Variants in NLGN1 observed in about 807,000 individuals in gnomAD.
The protein encoded by NLGN1 is neuroligin 1, also known as neuroligin-1.
NLGN1 carries 12 observed loss-of-function variants against 65.5 expected under a neutral mutation model. That is an observed-to-expected ratio of 0.18 (90% confidence interval 0.12 to 0.30). The LOEUF (loss-of-function observed/expected upper bound fraction) is 0.30, where lower values mean the gene tolerates loss of function less well. NLGN1 is among the 10% of genes least tolerant of loss of function. NLGN1 has a pLI of 1.00. For synonymous variants in NLGN1, 350 were observed against 359.5 expected, an observed-to-expected ratio of 0.97 and a Z score of 0.30; for missense variants, 750 against 1,007.1, an observed-to-expected ratio of 0.74 and a Z score of 3.46.
chr3:174,052,237 G>A (rs1735056446), intron 4 of NLGN1, among the ~76,000 whole-genome samples: 1 of 151,952 alleles, frequency 6.6e-6, no homozygotes, highest in African/African-American at 2.4e-5. Flanking sequence ...TGTTGTGTAG[G>A]GGAAAACTCA....
chr3:173,684,106 ATTTT>A (rs1444474561), intron 3 of NLGN1, among the ~76,000 whole-genome samples: 1 of 152,178 alleles, frequency 6.6e-6, no homozygotes, highest in African/African-American at 2.4e-5. Context: ...AGTGTACCTT[ATTTT>A]ATTTAGTATA....
intron 3 of NLGN1, among the ~76,000 whole-genome samples, chr3:173,754,581 C>G (rs1193298640): frequency 6.6e-6 from 1 of 151,860 alleles, no homozygotes; most frequent in African/African-American, 2.4e-5. Context: ...TGCTGTATCC[C>G]CTGGGCTTAG....
At chr3:173,927,742 T>C (rs1172926361) in intron 4 of NLGN1, among the ~76,000 whole-genome samples, 1 of 149,118 alleles carries the variant, frequency 6.7e-6, no homozygotes, top group Non-Finnish European at 1.5e-5. Flanking sequence ...CACACACACG[T>C]ACACACAGAT....
chr3:173,841,329 T>C lies in NLGN1; in HGVS notation c.646+33497T>C, dbSNP rs140321124. Among the ~76,000 whole-genome samples, 5 of 152,296 alleles carry C rather than the reference T, an allele frequency of 3.3e-5. No homozygotes were observed. The East Asian group carries it at 9.6e-4, about 29-fold the overall frequency. ...TCTTGAATGAGAATATATTTATTTC[T>C]CTATTAGGCATCTTTGAAAAGCCTT... On this transcript the variant is annotated intron_variant, in intron 4 of 6. Transcript: ENST00000457714.
intron 4 of NLGN1, among the ~76,000 whole-genome samples, chr3:173,919,348 C>T (rs1741461812): frequency 6.6e-6 from 1 of 152,120 alleles, no homozygotes; most frequent in Non-Finnish European, 1.5e-5. Flanking sequence ...TCATATTTTA[C>T]TTTACAAGCA....
intron 4 of NLGN1, among the ~76,000 whole-genome samples, chr3:173,872,575 G>T (rs1189293569): frequency 6.6e-6 from 1 of 152,080 alleles, no homozygotes; most frequent in Non-Finnish European, 1.5e-5. Flanking sequence ...GCATGCAAAT[G>T]CCCCTGAAGC....
At chr3:174,201,676 G>C (rs892892410) in intron 4 of NLGN1, among the ~76,000 whole-genome samples, 1 of 152,158 alleles carries the variant, frequency 6.6e-6, no homozygotes, top group African/African-American at 2.4e-5. Flanking sequence ...TATAAAAGGA[G>C]AGGGCAATAT....
At chr3:173,548,850 G>A (rs1022459658) in intron 2 of NLGN1, among the ~76,000 whole-genome samples, 28 of 151,868 alleles carry the variant, frequency 1.8e-4, no homozygotes, top group African/African-American at 6.5e-4. Flanking sequence ...CTTGCTATGT[G>A]TAATGTCCTC....
At chr3:173,423,418 G>C (rs1715492846) in intron 1 of NLGN1, among the ~76,000 whole-genome samples, 1 of 152,108 alleles carries the variant, frequency 6.6e-6, no homozygotes, top group Non-Finnish European at 1.5e-5. Flanking sequence ...CCTTATCTGA[G>C]ACAAGGCAAG....
exon 6 of NLGN1, chr3:174,278,891 G>C: frequency 6.7e-7 from 1 of 1,503,242 alleles, no homozygotes; most frequent in Non-Finnish European, 8.9e-7. Flanking sequence ...GCTCAAAGTG[G>C]AACAGCCCTT....
intron 2 of NLGN1, among the ~76,000 whole-genome samples, chr3:173,512,226 A>G (rs1042489541): frequency 2.0e-5 from 3 of 152,348 alleles, no homozygotes; most frequent in African/African-American, 7.2e-5. Context: ...AGCAAGGGCA[A>G]AGTGTCAGTG....
chr3:173,689,550 T>C (rs915460003), intron 3 of NLGN1, among the ~76,000 whole-genome samples: 1 of 152,178 alleles, frequency 6.6e-6, no homozygotes, highest in African/African-American at 2.4e-5. Context: ...CTGTAGGCAC[T>C]ATTAAATCTG....
intron 3 of NLGN1, among the ~76,000 whole-genome samples, chr3:173,739,673 A>ACTCTATTTGGAAAATGGCAAAATAT (rs1224859646): frequency 9.9e-5 from 15 of 151,968 alleles, no homozygotes; most frequent in African/African-American, 3.6e-4. Context: ...AAAAAAAATG[A>ACTCTATTTGGAAAATGGCAAAATAT]CTCTATTTGG....
At chr3:174,289,337 T>G (rs2152903021), downstream of NLGN1, among the ~76,000 whole-genome samples, 1 of 151,550 alleles carries the variant, frequency 6.6e-6, no homozygotes, top group African/African-American at 2.4e-5. Context: ...ATATATGAGT[T>G]ACTGAGCTAC....
intron 2 of NLGN1, among the ~76,000 whole-genome samples, chr3:173,436,767 T>A (rs1328466969): frequency 6.6e-6 from 1 of 152,128 alleles, no homozygotes; most frequent in East Asian, 1.9e-4. Context: ...AGAGTTTGGG[T>A]TAAAACCCCA....
chr3:173,787,956 A>G (rs926341891), intron 3 of NLGN1, among the ~76,000 whole-genome samples: 1 of 152,202 alleles, frequency 6.6e-6, no homozygotes, highest in African/African-American at 2.4e-5. Flanking sequence ...TGAGTAATAA[A>G]ATGAGTAAAA....
chr3:173,654,750 C>G (rs1759725006), intron 3 of NLGN1, among the ~76,000 whole-genome samples: 1 of 152,018 alleles, frequency 6.6e-6, no homozygotes. Flanking sequence ...AAATCAGCAT[C>G]TATAGATAGA....
chr3:173,444,185 C>T (rs1379769586), intron 2 of NLGN1, among the ~76,000 whole-genome samples: 1 of 152,144 alleles, frequency 6.6e-6, no homozygotes, highest in African/African-American at 2.4e-5. Context: ...ACTTAAACAT[C>T]GTTTTAAAAA....
chr3:173,538,161 C>G (rs1737767236), intron 2 of NLGN1, among the ~76,000 whole-genome samples: 1 of 152,132 alleles, frequency 6.6e-6, no homozygotes, highest in Admixed American at 6.6e-5. Flanking sequence ...CCCGTGAATC[C>G]TGGGAGAAAC....
Sources: gnomAD v4.1 joint callset for allele counts (sites outside exome capture counted in the v4.1 genomes callset) on GRCh38, gnomAD v4.1.1 for gene constraint, MANE v1.5 for transcripts, NCBI Gene and HGNC (gene_info 2026-07-23, HGNC 2026-07-21) for gene names.